NEDD4L: variants seen among roughly 807,000 people sequenced by gnomAD.
The protein encoded by NEDD4L is E3 ubiquitin-protein ligase NEDD4-like.
Under a neutral mutation model 148.9 loss-of-function variants are expected in NEDD4L, and 54 were observed. The ratio of observed to expected loss-of-function variants is 0.36; its 90% CI spans 0.29 to 0.45. The LOEUF is 0.45. NEDD4L is among the 20% of genes least tolerant of loss of function. The pLI is 1.00. For missense variants in NEDD4L, 856 were observed against 1,233.8 expected, an observed-to-expected ratio of 0.69 and a Z score of 4.59; for synonymous variants, 433 against 440.7, an observed-to-expected ratio of 0.98 and a Z score of 0.22.
At chr18:58,379,887 C>T (rs1357135264) in intron 24 of NEDD4L, among the ~76,000 whole-genome samples, 1 of 151,740 alleles carries the variant, frequency 6.6e-6, no homozygotes, top group Non-Finnish European at 1.5e-5. Flanking sequence ...AACCTAGTAG[C>T]TTAGGGAGCA....
At chr18:58,096,347 A>ATTTATTTTATTTTATTTTAT (rs149430952) in intron 1 of NEDD4L, among the ~76,000 whole-genome samples, 51 of 116,274 alleles carry the variant, frequency 4.4e-4, no homozygotes, top group African/African-American at 1.7e-3. Flanking sequence ...ATTTTATTTT[A>ATTTATTTTATTTTATTTTAT]TTTATTTTAT....
intron 2 of NEDD4L, among the ~76,000 whole-genome samples, chr18:58,198,525 A>G (rs73450436): frequency 0.03 from 4,642 of 152,230 alleles, 177 homozygotes; most frequent in East Asian, 0.14. Flanking sequence ...ATGGTCCTCT[A>G]AGGTGGAGTG....
chr18:58,138,332 T>G, intron 1 of NEDD4L, among the ~76,000 whole-genome samples: 1 of 137,034 alleles, frequency 7.3e-6, no homozygotes, highest in African/African-American at 2.7e-5. Context: ...CCTTCTTCCC[T>G]CCCCTCCTCC....
chr18:58,062,007 G>A (rs559403505), intron 1 of NEDD4L, among the ~76,000 whole-genome samples: 1 of 152,276 alleles, frequency 6.6e-6, no homozygotes, highest in East Asian at 1.9e-4. Context: ...CATGGTATTA[G>A]AGCTCTAGGG....
chr18:58,167,763 A>T (rs2037049695), intron 2 of NEDD4L, among the ~76,000 whole-genome samples: 1 of 152,202 alleles, frequency 6.6e-6, no homozygotes, highest in South Asian at 2.1e-4. Flanking sequence ...TTTGCATGCC[A>T]ACCGGTAGTG....
chr18:58,094,840 G>A (rs1038200900), intron 1 of NEDD4L, among the ~76,000 whole-genome samples: 3 of 150,358 alleles, frequency 2.0e-5, no homozygotes, highest in African/African-American at 7.4e-5. Context: ...TCCAAATTAC[G>A]GCTAAGAAAT....
chr18:58,212,590 G>A (rs966566847), intron 2 of NEDD4L, among the ~76,000 whole-genome samples: 8 of 152,108 alleles, frequency 5.3e-5, no homozygotes, highest in African/African-American at 1.9e-4. Flanking sequence ...ACAGTTCAAG[G>A]TGAGATTTGC....
At chr18:58,153,204 A>G (rs2035021496) in intron 1 of NEDD4L, among the ~76,000 whole-genome samples, 2 of 140,536 alleles carry the variant, frequency 1.4e-5, no homozygotes. Context: ...TTTTTTTTAA[A>G]AAAATGACTC....
At chr18:58,212,896 A>G (rs1304767096) in intron 2 of NEDD4L, among the ~76,000 whole-genome samples, 1 of 152,266 alleles carries the variant, frequency 6.6e-6, no homozygotes, top group Non-Finnish European at 1.5e-5. Flanking sequence ...TTGTTAAGAA[A>G]ACCACAGAGG....
intron 1 of NEDD4L, among the ~76,000 whole-genome samples, chr18:58,136,235 A>G (rs558508089): frequency 4.9e-4 from 74 of 152,298 alleles, no homozygotes; most frequent in Admixed American, 6.5e-4. Flanking sequence ...ACATCAGGGA[A>G]GATTGTTCAC....
chr18:58,256,147 G>GTGCGGCCGCCGCGTGCGGTGC lies in NEDD4L; in HGVS notation c.297+4095_297+4115dup. ...ACCCAGGGCTCCAGGTCAACGGCACGTGCGGCCGCCGCGTGCGGTGCTCCG... is the reference window on the plus strand; with the variant it reads ...ACCCAGGGCTCCAGGTCAACGGCACGTGCGGCCGCCGCGTGCGGTGCTGCGGCCGCCGCGTGCGGTGCTCCG... On this transcript the variant is annotated intron_variant, in intron 5 of 30. Transcript: ENST00000400345. The surrounding 1 kb of genome is among the most constrained non-coding windows in gnomAD (Gnocchi z 5.2). 1 of 1,222,316 alleles carries GTGCGGCCGCCGCGTGCGGTGC rather than the reference G, an allele frequency of 8.2e-7. No individual in the cohort carries two copies. Among genetic ancestry groups the GTGCGGCCGCCGCGTGCGGTGC allele is most frequent in the Non-Finnish European group, 1.0e-6 (1 of 982,076 alleles). 75.7% of individuals were successfully genotyped at this position (1,222,316 alleles called of 1,614,324 possible). A position where few individuals can be genotyped will look rare whatever the true frequency, so the allele number is the denominator to read the frequency against.
At chr18:58,190,918 G>A (rs1000519122) in intron 2 of NEDD4L, among the ~76,000 whole-genome samples, 5 of 152,160 alleles carry the variant, frequency 3.3e-5, no homozygotes, top group African/African-American at 7.2e-5. Flanking sequence ...CCTGAACATA[G>A]CGAGTGACGT....
At chr18:58,392,814 G>A (rs1231375004) in intron 30 of NEDD4L, among the ~76,000 whole-genome samples, 1 of 152,184 alleles carries the variant, frequency 6.6e-6, no homozygotes, top group African/African-American at 2.4e-5. Context: ...GACTGTGGGT[G>A]GTGATGCGAA....
At chr18:58,087,687 C>G (rs1226647553) in intron 1 of NEDD4L, among the ~76,000 whole-genome samples, 1 of 152,096 alleles carries the variant, frequency 6.6e-6, no homozygotes, top group Non-Finnish European at 1.5e-5. Flanking sequence ...CCATCCTGAC[C>G]AACATGGAGA....
chr18:58,279,858 A>G (rs17064669), intron 5 of NEDD4L, among the ~76,000 whole-genome samples: 28,218 of 152,234 alleles, frequency 0.19, 2,820 homozygotes, highest in East Asian at 0.29. Context: ...TCTAAAGTAC[A>G]TTCACAAATA....
intron 1 of NEDD4L, among the ~76,000 whole-genome samples, chr18:58,069,597 G>C (rs1282262742): frequency 6.6e-6 from 1 of 152,136 alleles, no homozygotes; most frequent in East Asian, 1.9e-4. Context: ...ACACGAATGG[G>C]AAGTGTTAAT....
intron 2 of NEDD4L, among the ~76,000 whole-genome samples, chr18:58,225,370 G>A (rs1231310533): frequency 1.3e-5 from 2 of 152,234 alleles, no homozygotes; most frequent in African/African-American, 4.8e-5. Flanking sequence ...ATTCAGCTCA[G>A]CAATGTGGGC....
At position 58,256,919 on chromosome 18, in the gene NEDD4L, C is replaced by T; in HGVS notation, c.297+4865C>T. 1 of 725,258 alleles carries T rather than the reference C, an allele frequency of 1.4e-6. No individual in the cohort carries two copies. The highest frequency in any genetic ancestry group is 1.9e-6 in the Non-Finnish European group (1 of 525,822). The allele number at this position is 725,258 out of a possible 1,614,324, so 44.9% of individuals were successfully genotyped here. On this transcript the variant is annotated intron_variant, in intron 5 of 30. Coordinates refer to ENST00000400345, the MANE Select transcript of NEDD4L (RefSeq NM_001144967.3). This position sits in a 1 kb window ranked among gnomAD's most constrained non-coding sequence, Gnocchi z 5.2. ...ATCTGAATGTTTGGCCGAGTTCTGGCACGATGATTTGTGGTCCAGTGTTTG... is the reference window on the plus strand; with the variant it reads ...ATCTGAATGTTTGGCCGAGTTCTGGTACGATGATTTGTGGTCCAGTGTTTG...
intron 2 of NEDD4L, among the ~76,000 whole-genome samples, chr18:58,186,011 ACAT>A (rs2039431556): frequency 6.6e-6 from 1 of 152,210 alleles, no homozygotes; most frequent in African/African-American, 2.4e-5. Flanking sequence ...TGCAACAGAT[ACAT>A]ATGCACACGC....
Sources: allele counts gnomAD v4.1 joint callset (sites outside exome capture counted in the v4.1 genomes callset), GRCh38; gene constraint gnomAD v4.1.1; non-coding constraint Gnocchi (gnomAD v3.1); transcripts MANE v1.5; gene names NCBI Gene and HGNC (gene_info 2026-07-23, HGNC 2026-07-21).